SETD1A: variants seen among roughly 807,000 people sequenced by gnomAD.
The protein encoded by SETD1A is SET domain containing 1A, histone lysine methyltransferase.
SETD1A carries 29 observed loss-of-function variants against 149.9 expected under a neutral mutation model. That is an observed-to-expected ratio of 0.19 (90% CI 0.14 to 0.26). The LOEUF (loss-of-function observed/expected upper bound fraction) is 0.26. Among genes scored for constraint, SETD1A ranks in the 10% least tolerant of loss-of-function variants. The pLI, the probability that SETD1A is intolerant of heterozygous loss-of-function variation, is 1.00. For synonymous variants in SETD1A, 1,141 were observed against 968.5 expected (o/e 1.18, Z -3.31); for missense variants, 2,109 against 2,353.1 (o/e 0.90, Z 2.15).
intron 1 of SETD1A, chr16:30,958,441 A>C: frequency 2.8e-5 from 10 of 358,992 alleles, no homozygotes; most frequent in Admixed American, 4.3e-5. Flanking sequence ...TCTTGCTCCG[A>C]GGCCAAGTGG....
rs1289971705 is a variant in SETD1A at position 30,979,212 on chromosome 16, C to T, written c.3426C>T (p.Ala1142=). ...RPPEPPAGPP[A]PAPRPDERPS... ...CAGAACCACCTGCTGGGCCCCCGGCCCCTGCCCCACGCCCCGATGAGCGTC... is the reference window on the plus strand; with the variant it reads ...CAGAACCACCTGCTGGGCCCCCGGCTCCTGCCCCACGCCCCGATGAGCGTC... Residue 1142 remains alanine (A), a synonymous_variant, in exon 14 of 19, where the codon GCC becomes GCT. Transcript: ENST00000262519. 6.3e-7 allele frequency: 1 copy of T among 1,586,428 alleles called. No homozygotes were observed. The highest frequency in any genetic ancestry group is 8.6e-7 in the Non-Finnish European group (1 of 1,165,682).
chr16:30,972,413 GATCA>G (rs1479526304), intron 13 of SETD1A, among the ~76,000 whole-genome samples: 163 of 152,044 alleles, frequency 1.1e-3, no homozygotes, highest in Admixed American at 1.9e-3. Flanking sequence ...AAGGCGGGTG[GATCA>G]TGAGGTCAGG....
At chr16:30,962,381 A>G (rs188868578) in intron 4 of SETD1A, among the ~76,000 whole-genome samples, 16 of 152,108 alleles carry the variant, frequency 1.1e-4, no homozygotes, top group East Asian at 7.7e-4. Context: ...TAATCTTTCT[A>G]TATGCTATTC....
chr16:30,963,493 T>C lies in SETD1A; in HGVS notation c.578T>C (p.Val193Ala). The change falls in exon 5 of 19, where the codon GTG (valine) becomes GCG (alanine). Residue 193 changes from valine (V) to alanine (A), a missense_variant. Transcript: ENST00000262519. ...AATGGCTCCTACACCCCTCAGACTG[T>C]GCCCACTGGGGGCAAGGCCCTGAGT... The part of the protein sequence containing the change: ...IVNGSYTPQT[V>A]PTGGKALSEK... 6.2e-7 allele frequency: 1 copy of C among 1,613,380 alleles called. No individual in the cohort carries two copies. The highest frequency in any genetic ancestry group is 8.5e-7 in the Non-Finnish European group (1 of 1,179,480).
At chr16:30,970,598 C>G (rs1178173205) in intron 12 of SETD1A, among the ~76,000 whole-genome samples, 1 of 152,132 alleles carries the variant, frequency 6.6e-6, no homozygotes, top group East Asian at 1.9e-4. Flanking sequence ...ATTTCCCTGT[C>G]TCTCTTTCTG....
At position 30,980,802 on chromosome 16, in the gene SETD1A, A is replaced by G; in HGVS notation, c.4645A>G (p.Thr1549Ala). 1 of 1,430,332 alleles carries G rather than the reference A, an allele frequency of 7.0e-7. No individual in the cohort carries two copies. Among genetic ancestry groups the G allele is most frequent in the East Asian group, 3.5e-5 (1 of 28,556 alleles). 88.6% of individuals were successfully genotyped at this position (1,430,332 alleles called of 1,614,324 possible). ...EQRRLLSAIG[T>A]SAIMDSDLLK... is the part of the protein sequence containing the mutation. ...GCGGCGGCTGCTGAGCGCCATCGGT[A>G]CCTCCGCCATCATGGACAGTGACCT... Residue 1549 changes from threonine (T) to alanine (A), a missense_variant, in exon 16 of 19, where the codon ACC becomes GCC. Thr to Ala is a moderately conservative substitution (Grantham distance 58). This residue lies in a region of SETD1A where 254 missense variants were observed against 409.3 expected (regional missense o/e 0.62). Transcript: ENST00000262519. The surrounding 1 kb of genome is among the most constrained non-coding windows in gnomAD (Gnocchi z 7.7).
In SETD1A at chr16:30,967,556, G is replaced by A. The variant is rs771549718; in HGVS notation, c.2738G>A (p.Arg913His). The A allele has an allele frequency of 5.0e-6, 8 of 1,613,856 alleles. No homozygotes were observed. Among genetic ancestry groups the A allele is most frequent in the South Asian group, 1.1e-5 (1 of 91,088 alleles). ...GAGGCCAGTGAGGAAAAGAGGCCTC[G>A]TCCCTCCACTCCTGCTGAGGAAGAT... is the stretch of plus-strand genomic sequence containing the variant. Reference protein sequence around the residue: ...ISEASEEKRPRPSTPAEEDED... With the variant: ...ISEASEEKRPHPSTPAEEDED... Residue 913 changes from arginine to histidine, a missense_variant, in exon 10 of 19, where the codon CGT becomes CAT. By Grantham distance (29) the Arg-to-His change is conservative. Coordinates refer to ENST00000262519, the MANE Select transcript of SETD1A (RefSeq NM_014712.3).
Position 30,984,092 on chromosome 16 carries a change from C to G in SETD1A, c.*69C>G. On this transcript the variant is annotated 3_prime_UTR_variant, in exon 19 of 19. Transcript: ENST00000262519. ...GTGCCCTGAGCTCCCAGCACCCCCCCAGCCTTAGTGGGCTCAGCAGGGCCC... is the reference window on the plus strand; with the variant it reads ...GTGCCCTGAGCTCCCAGCACCCCCCGAGCCTTAGTGGGCTCAGCAGGGCCC... 1 of 1,455,302 alleles carries G rather than the reference C, an allele frequency of 6.9e-7. No individual in the cohort carries two copies. Among genetic ancestry groups the G allele is most frequent in the South Asian group, 1.3e-5 (1 of 76,964 alleles). 90.1% of individuals were successfully genotyped at this position (1,455,302 alleles called of 1,614,324 possible). A position where few individuals can be genotyped will look rare whatever the true frequency, so the allele number is the denominator to read the frequency against.
chr16:30,972,903 T>C (rs1596684936), intron 13 of SETD1A, among the ~76,000 whole-genome samples: 1 of 149,744 alleles, frequency 6.7e-6, no homozygotes, highest in South Asian at 2.1e-4. Flanking sequence ...TTACGAACCA[T>C]GAGAAGCACC....
rs1172653548 is a variant in SETD1A, at chr16:30,966,982, G to A, written c.2604G>A (p.Lys868=). The A allele has an allele frequency of 3.1e-6, 5 of 1,594,242 alleles. No homozygotes were observed. The highest frequency in any genetic ancestry group is 2.3e-5 in the South Asian group (2 of 87,858). Residue 868 remains lysine, a synonymous_variant, in exon 9 of 19, where the codon AAG becomes AAA. Coordinates refer to ENST00000262519, the MANE Select transcript of SETD1A (RefSeq NM_014712.3). ...TGCTGTCCCTCGTGGACTGGGCCAA[G>A]AGCGGGGGCACTACGGGCATCGAGG... ...PGLLSLVDWA[K]SGGTTGIEAF...
At chr16:30,971,860 A>G in intron 13 of SETD1A, 141 bp downstream of exon 13, 1 of 1,169,298 alleles carries the variant, frequency 8.6e-7, no homozygotes, top group Non-Finnish European at 1.1e-6. Flanking sequence ...TCCTGTCACT[A>G]CCTTCTAGAG....
intron 13 of SETD1A, among the ~76,000 whole-genome samples, chr16:30,976,630 CTGAA>C (rs1369000661): frequency 1.3e-5 from 2 of 152,114 alleles, no homozygotes; most frequent in South Asian, 2.1e-4. Flanking sequence ...GTGGGGCAGA[CTGAA>C]TGGACAGTGG....
Position 30,965,409 on chromosome 16 carries a change from G to T in SETD1A, c.1667G>T (p.Ser556Ile), listed in dbSNP as rs1469281911. The T allele has an allele frequency of 6.2e-7, 1 of 1,604,488 alleles. No individual in the cohort carries two copies. The highest frequency in any genetic ancestry group is 8.5e-7 in the Non-Finnish European group (1 of 1,172,954). ...TTTGAGGATGTGGCACCTACAGGGAGCGGGGAGCCAGGGGCTACCCGGGAG... is the reference window on the plus strand; with the variant it reads ...TTTGAGGATGTGGCACCTACAGGGATCGGGGAGCCAGGGGCTACCCGGGAG... ...ANFEDVAPTG[S>I]GEPGATRESP... Residue 556 changes from serine (S) to isoleucine (I), a missense_variant, in exon 7 of 19, where the codon AGC (serine) becomes ATC (isoleucine). Coordinates refer to ENST00000262519, the MANE Select transcript of SETD1A (RefSeq NM_014712.3).
Position 30,980,517 on chromosome 16 carries a change from C to T in SETD1A, c.4441C>T (p.Arg1481Trp), listed in dbSNP as rs758277427. The T allele has an allele frequency of 6.2e-6, 10 of 1,614,044 alleles. No individual in the cohort carries two copies. Among genetic ancestry groups the T allele is most frequent in the African/African-American group, 1.3e-5 (1 of 75,050 alleles). The change falls in exon 15 of 19, where the codon CGG becomes TGG. Residue 1481 changes from arginine (R) to tryptophan (W), a missense_variant. By Grantham distance (101) the Arg-to-Trp change is moderately radical. This residue lies in a region of SETD1A where 254 missense variants were observed against 409.3 expected (regional missense o/e 0.62). Coordinates refer to ENST00000262519, the MANE Select transcript of SETD1A (RefSeq NM_014712.3). This position sits in a 1 kb window ranked among gnomAD's most constrained non-coding sequence, Gnocchi z 7.7. The part of the protein sequence containing the change: ...TNLTTPKRKR[R>W]PQDGPREHQT... ...CCTGACCACCCCAAAACGCAAGCGG[C>T]GGCCCCAGGATGGGCCCCGGGAGCA...
intron 13 of SETD1A, among the ~76,000 whole-genome samples, chr16:30,974,255 C>T (rs1157833852): frequency 3.3e-5 from 5 of 151,942 alleles, no homozygotes; most frequent in African/African-American, 4.8e-5. Flanking sequence ...TTGAGGTGCC[C>T]CTTGGGCTTC....
At position 30,983,620 on chromosome 16, in the gene SETD1A, A is replaced by G; in HGVS notation, c.4813-15A>G. 1.2e-6 allele frequency: 2 copies of G among 1,609,700 alleles called. No individual in the cohort carries two copies. The highest frequency in any genetic ancestry group is 1.1e-5 in the South Asian group (1 of 90,080). On this transcript the variant is annotated splice_polypyrimidine_tract_variant and intron_variant, in intron 17 of 18. Transcript: ENST00000262519. This position sits in a 1 kb window ranked among gnomAD's most constrained non-coding sequence, Gnocchi z 6.8. ...TGGGGGACTCTTCCCTGACCATCGC[A>G]TCTCACCCTGGCAGATGGTGGCCGA...
At position 30,965,182 on chromosome 16, in the gene SETD1A, G is replaced by T; in HGVS notation, c.1440G>T (p.Val480=). The change falls in exon 7 of 19, where the codon GTG becomes GTT. Residue 480 remains valine, a synonymous_variant. Coordinates refer to ENST00000262519, the MANE Select transcript of SETD1A (RefSeq NM_014712.3). ...SPAPETTNES[V]PFAQHSSLDS... is the part of the protein sequence containing the mutation. The stretch of plus-strand genomic sequence containing the variant: ...CCCCGGAGACCACCAATGAGAGTGT[G>T]CCCTTCGCCCAGCACAGCAGCCTGG... 6.2e-7 allele frequency: 1 copy of T among 1,613,998 alleles called. No homozygotes were observed. Among genetic ancestry groups the T allele is most frequent in the Non-Finnish European group, 8.5e-7 (1 of 1,180,042 alleles).
rs772891443 is a variant in SETD1A, at chr16:30,964,758, C to T, written c.1016C>T (p.Ala339Val). 6.2e-7 allele frequency: 1 copy of T among 1,614,224 alleles called. No individual in the cohort carries two copies. The highest frequency in any genetic ancestry group is 2.2e-5 in the East Asian group (1 of 44,886). The change falls in exon 7 of 19, where the codon GCC (alanine) becomes GTC (valine). Residue 339 changes from alanine (A) to valine (V), a missense_variant. Ala to Val is a moderately conservative substitution (Grantham distance 64). This residue lies in a region of SETD1A where 410 missense variants were observed against 394.8 expected (regional missense o/e 1.04). Transcript: ENST00000262519. ...ACTGCAGCCACTGCCTCATCCTCCG[C>T]CTCTTCCTCCTCATTGTCCTCGTCC... ...ATTAATASSS[A>V]SSSSLSSSSS...
chr16:30,981,080 G>A lies in SETD1A; in HGVS notation c.4712G>A (p.Arg1571Gln). 2 of 1,614,234 alleles carry A rather than the reference G, an allele frequency of 1.2e-6. No individual in the cohort carries two copies. Among genetic ancestry groups the A allele is most frequent in the Non-Finnish European group, 1.7e-6 (2 of 1,180,040 alleles). ...CCCCAGTTCCGGAAGAAGAAGCTCC[G>A]ATTTGGCCGGAGCCGGATCCACGAG... ...NQLKFRKKKL[R>Q]FGRSRIHEWG... The change falls in exon 17 of 19, where the codon CGA (arginine) becomes CAA (glutamine). Residue 1571 changes from arginine to glutamine, a missense_variant. Transcript: ENST00000262519.
Sources: gnomAD v4.1 joint callset for allele counts (sites outside exome capture counted in the v4.1 genomes callset) on GRCh38, gnomAD v4.1.1 for gene constraint, gnomAD v4.1.1 regional missense constraint, Gnocchi (gnomAD v3.1) non-coding constraint, MANE v1.5 for transcripts, NCBI Gene and HGNC (gene_info 2026-07-23, HGNC 2026-07-21) for gene names.